The following FRMPD4 variants were observed in gnomAD, a reference collection of about 807,000 sequenced individuals.
FRMPD4 encodes FERM and PDZ domain-containing protein 4.
Under a neutral mutation model 94.1 loss-of-function variants are expected in FRMPD4, and 22 were observed. The ratio of observed to expected loss-of-function variants is 0.23; its 90% confidence interval spans 0.17 to 0.33. FRMPD4 has a LOEUF of 0.33. FRMPD4 is among the 10% of genes least tolerant of loss of function. FRMPD4 has a pLI of 1.00. For synonymous variants in FRMPD4, 631 were observed against 548.6 expected, an observed-to-expected ratio of 1.15 and a Z score of -2.10; for missense variants, 1,111 against 1,339.9, an observed-to-expected ratio of 0.83 and a Z score of 2.67.
intron 1 of FRMPD4, among the ~76,000 whole-genome samples, chrX:12,354,008 G>T (rs887942494): frequency 8.9e-6 from 1 of 111,839 alleles, no homozygotes; most frequent in Non-Finnish European, 1.9e-5. Flanking sequence ...AACGTGCCAG[G>T]ATCATATTTC....
At chrX:12,087,111 C>A (rs1337017893) in intron 3 of FRMPD4, among the ~76,000 whole-genome samples, 1 of 111,320 alleles carries the variant, frequency 9.0e-6, no homozygotes, top group Admixed American at 9.5e-5. Flanking sequence ...CACCCCAGCA[C>A]CTTCACCATC....
intron 3 of FRMPD4, among the ~76,000 whole-genome samples, chrX:11,896,496 T>C (rs1158269924): frequency 9.0e-6 from 1 of 111,666 alleles, no homozygotes; most frequent in African/African-American, 3.3e-5. Context: ...CCTTCTACCA[T>C]CATGTGAGGA....
At chrX:12,281,310 A>G (rs933121734) in intron 1 of FRMPD4, among the ~76,000 whole-genome samples, 4 of 112,035 alleles carry the variant, frequency 3.6e-5, no homozygotes, top group African/African-American at 9.7e-5. Flanking sequence ...CATAATCACC[A>G]TAAGTTATAT....
chrX:12,054,145 A>C (rs754252245), intron 3 of FRMPD4, among the ~76,000 whole-genome samples: 2 of 111,473 alleles, frequency 1.8e-5, no homozygotes, highest in South Asian at 7.7e-4. Context: ...GCTCCAGAGG[A>C]GATGAGTGGT....
At chrX:12,510,649 A>G (rs1022846752) in intron 2 of FRMPD4, among the ~76,000 whole-genome samples, 2 of 112,377 alleles carry the variant, frequency 1.8e-5, no homozygotes, top group South Asian at 7.5e-4. Flanking sequence ...TAAAACCAAG[A>G]AGGAATTCCA....
intron 1 of FRMPD4, among the ~76,000 whole-genome samples, chrX:12,452,861 G>A (rs776105658): frequency 4.5e-5 from 5 of 111,651 alleles, no homozygotes; most frequent in African/African-American, 1.6e-4. Context: ...TGCCTTACAC[G>A]TTGTCCTGTC....
chrX:12,420,468 C>T lies in FRMPD4; in HGVS notation c.42-78212C>T, dbSNP rs149484415. 4.3e-3 allele frequency among the ~76,000 whole-genome samples: 486 copies of T among 111,917 alleles called. 4 individuals carry two copies. The highest frequency in any genetic ancestry group is 4.7e-3 in the Non-Finnish European group (247 of 53,109). ...GGCCCTGAAACACTTGTCCCCTCCA[C>T]CTCTCACCTCACTTGCTGCATCTCT... On this transcript the variant is annotated intron_variant, in intron 1 of 16. Coordinates refer to ENST00000675598, the MANE Select transcript of FRMPD4 (RefSeq NM_001368397.1).
At chrX:11,902,898 G>A (rs1031011075) in intron 3 of FRMPD4, among the ~76,000 whole-genome samples, 1 of 112,062 alleles carries the variant, frequency 8.9e-6, no homozygotes, top group African/African-American at 3.2e-5. Flanking sequence ...GGGGAGTGAT[G>A]ATGGAGGCTA....
intron 5 of FRMPD4, among the ~76,000 whole-genome samples, chrX:12,676,641 A>T (rs752979603): frequency 2.7e-5 from 3 of 112,453 alleles, no homozygotes; most frequent in Non-Finnish European, 5.6e-5. Flanking sequence ...AGAGTTTTAC[A>T]TGTAAGTTTA....
At chrX:12,188,347 A>G (rs1474620496) in intron 1 of FRMPD4, among the ~76,000 whole-genome samples, 1 of 107,580 alleles carries the variant, frequency 9.3e-6, no homozygotes, top group East Asian at 2.8e-4. Flanking sequence ...AAATGAAGAC[A>G]GTAATAGCAC....
At chrX:12,144,899 G>A (rs1176162356) in intron 1 of FRMPD4, among the ~76,000 whole-genome samples, 1 of 109,753 alleles carries the variant, frequency 9.1e-6, no homozygotes, top group African/African-American at 3.3e-5. Context: ...ATTGAAATGG[G>A]TTTTTATAGA....
chrX:12,520,773 A>G (rs917103085), intron 2 of FRMPD4, among the ~76,000 whole-genome samples: 8 of 112,187 alleles, frequency 7.1e-5, no homozygotes, highest in Non-Finnish European at 1.5e-4. Context: ...TGGAAGCCAC[A>G]CACCCAAAAC....
intron 3 of FRMPD4, among the ~76,000 whole-genome samples, chrX:12,080,680 G>A: frequency 8.9e-6 from 1 of 112,221 alleles, no homozygotes; most frequent in Non-Finnish European, 1.9e-5. Flanking sequence ...AAAAATAAGA[G>A]GAAGCATCTA....
intron 2 of FRMPD4, among the ~76,000 whole-genome samples, chrX:12,527,597 T>C (rs2058239169): frequency 1.8e-5 from 2 of 109,539 alleles, no homozygotes; most frequent in Admixed American, 2.0e-4. Flanking sequence ...TTTGCATTTC[T>C]GAGAACTCCT....
At chrX:12,540,224 A>C (rs915388771) in intron 2 of FRMPD4, among the ~76,000 whole-genome samples, 9 of 111,734 alleles carry the variant, frequency 8.1e-5, no homozygotes, top group African/African-American at 2.9e-4. Flanking sequence ...GACAGCATCA[A>C]ATCCACACAG....
intron 1 of FRMPD4, among the ~76,000 whole-genome samples, chrX:12,337,780 G>A (rs926893395): frequency 6.2e-5 from 7 of 112,151 alleles, no homozygotes; most frequent in African/African-American, 9.7e-5. Flanking sequence ...TTGATGTTAC[G>A]TTCTAGCTTC....
At chrX:12,395,323 T>C (rs1236904009) in intron 1 of FRMPD4, among the ~76,000 whole-genome samples, 2 of 112,233 alleles carry the variant, frequency 1.8e-5, no homozygotes, top group East Asian at 5.6e-4. Context: ...TTGTTGAAGA[T>C]ATGAAAGCCA....
intron 3 of FRMPD4, among the ~76,000 whole-genome samples, chrX:11,972,986 TA>T (rs1476343723): frequency 8.9e-6 from 1 of 112,264 alleles, no homozygotes; most frequent in East Asian, 2.8e-4. Context: ...CTACATTATG[TA>T]AAATCCTCTA....
chrX:12,350,215 G>A (rs994268545), intron 1 of FRMPD4, among the ~76,000 whole-genome samples: 1 of 111,845 alleles, frequency 8.9e-6, no homozygotes, highest in African/African-American at 3.2e-5. Context: ...GAACAAGAAG[G>A]AGGGAGAAAT....
Sources: allele counts gnomAD v4.1 joint callset (sites outside exome capture counted in the v4.1 genomes callset), GRCh38; gene constraint gnomAD v4.1.1; transcripts MANE v1.5; gene names NCBI Gene and HGNC (gene_info 2026-07-23, HGNC 2026-07-21).